The following SRBD1 variants were observed in gnomAD, a reference collection of about 807,000 sequenced individuals.
SRBD1 encodes the protein S1 RNA binding domain 1, also known as S1 RNA-binding domain-containing protein 1.
A neutral mutation model predicts 115.3 loss-of-function variants in SRBD1; 88 were observed. The observed-to-expected ratio is 0.76, with a 90% CI of 0.64 to 0.91. The LOEUF (loss-of-function observed/expected upper bound fraction) is 0.91. Ranked by LOEUF, SRBD1 falls within the 40% of genes least tolerant of loss-of-function variation. The pLI is 0.00. For synonymous variants in SRBD1, 509 were observed against 407.7 expected, an observed-to-expected ratio of 1.25 and a Z score of -2.99; for missense variants, 1,385 against 1,177.4, an observed-to-expected ratio of 1.18 and a Z score of -2.58.
intron 19 of SRBD1, among the ~76,000 whole-genome samples, chr2:45,399,862 G>A (rs1026912017): frequency 6.6e-6 from 1 of 152,164 alleles, no homozygotes; most frequent in Admixed American, 6.6e-5. Context: ...TTTACTGCCT[G>A]TAAAGCCATA....
chr2:45,513,245 A>G (rs994657551), intron 14 of SRBD1, among the ~76,000 whole-genome samples: 2 of 152,078 alleles, frequency 1.3e-5, no homozygotes, highest in African/African-American at 4.8e-5. Flanking sequence ...CATCATACGA[A>G]ACTGTGTTAG....
At chr2:45,470,569 T>C (rs1669618030) in intron 16 of SRBD1, among the ~76,000 whole-genome samples, 1 of 152,170 alleles carries the variant, frequency 6.6e-6, no homozygotes, top group African/African-American at 2.4e-5. Flanking sequence ...AGCATGAAAG[T>C]ACCGAAAACA....
At chr2:45,397,873 ACAGGTGTGAGCCAC>A (rs1399657837) in intron 19 of SRBD1, among the ~76,000 whole-genome samples, 1 of 152,220 alleles carries the variant, frequency 6.6e-6, no homozygotes, top group East Asian at 1.9e-4. Context: ...TGCTGGGATA[ACAGGTGTGAGCCAC>A]TGCACCTGGC....
At chr2:45,527,131 G>C (rs911026069) in intron 14 of SRBD1, among the ~76,000 whole-genome samples, 2 of 151,662 alleles carry the variant, frequency 1.3e-5, no homozygotes, top group Non-Finnish European at 3.0e-5. Context: ...TTCACAGAAG[G>C]TTCTTACATA....
chr2:45,528,570 G>A (rs547359691), intron 14 of SRBD1, among the ~76,000 whole-genome samples: 32 of 151,918 alleles, frequency 2.1e-4, no homozygotes, highest in African/African-American at 7.0e-4. Flanking sequence ...GTACCAGAGG[G>A]GTACTCTAGA....
At chr2:45,601,032 T>A (rs974895291) in intron 3 of SRBD1, among the ~76,000 whole-genome samples, 1 of 152,100 alleles carries the variant, frequency 6.6e-6, no homozygotes, top group East Asian at 1.9e-4. Context: ...GACATAAAGA[T>A]AAAATAACTC....
intron 19 of SRBD1, among the ~76,000 whole-genome samples, chr2:45,398,271 T>G (rs1203814126): frequency 2.0e-5 from 3 of 152,160 alleles, no homozygotes; most frequent in African/African-American, 7.2e-5. Context: ...GAATATAGTT[T>G]TAAAATGCAT....
intron 17 of SRBD1, 84 bp downstream of exon 17, chr2:45,419,704 G>T: frequency 1.7e-6 from 2 of 1,171,064 alleles, no homozygotes; most frequent in Non-Finnish European, 1.3e-6. Flanking sequence ...CTTTATACAC[G>T]TGTTCCCTTC....
At chr2:45,446,770 G>T (rs1348366908) in intron 16 of SRBD1, among the ~76,000 whole-genome samples, 1 of 151,172 alleles carries the variant, frequency 6.6e-6, no homozygotes, top group East Asian at 1.9e-4. Context: ...TAAAAACATA[G>T]GTCGCTCTCA....
chr2:45,585,801 T>C, intron 4 of SRBD1, 27 bp from the exon 5 acceptor site: 1 of 1,544,570 alleles, frequency 6.5e-7, no homozygotes, highest in South Asian at 1.2e-5. Flanking sequence ...CTTAGTGATT[T>C]AAAATGCTGA....
intron 14 of SRBD1, among the ~76,000 whole-genome samples, chr2:45,540,980 T>C (rs528976053): frequency 6.6e-6 from 1 of 152,334 alleles, no homozygotes; most frequent in South Asian, 2.1e-4. Flanking sequence ...GGTGCCTTTG[T>C]CCGAGTTTTG....
At chr2:45,430,328 A>G (rs749449441) in intron 16 of SRBD1, among the ~76,000 whole-genome samples, 12 of 152,262 alleles carry the variant, frequency 7.9e-5, no homozygotes, top group Middle Eastern at 3.4e-3. Flanking sequence ...AAGAGCCCAT[A>G]TGGCCAAAAT....
At chr2:45,445,915 C>T (rs1259066345) in intron 16 of SRBD1, among the ~76,000 whole-genome samples, 2 of 152,132 alleles carry the variant, frequency 1.3e-5, no homozygotes, top group Non-Finnish European at 2.9e-5. Flanking sequence ...GTACCTGCTA[C>T]TAGAGAAAGT....
chr2:45,420,828 TGA>T (rs1667973728), intron 16 of SRBD1, among the ~76,000 whole-genome samples: 1 of 152,256 alleles, frequency 6.6e-6, no homozygotes. Context: ...GAAGCTTTGA[TGA>T]TAGTAGCACT....
intron 13 of SRBD1, among the ~76,000 whole-genome samples, 181 bp downstream of exon 13, chr2:45,547,341 C>A (rs1672152010): frequency 6.6e-6 from 1 of 152,124 alleles, no homozygotes; most frequent in Admixed American, 6.5e-5. Flanking sequence ...AGGAAGGGAG[C>A]AGCGTTTCTC....
At chr2:45,489,594 T>G (rs1363011301) in intron 14 of SRBD1, among the ~76,000 whole-genome samples, 1 of 152,202 alleles carries the variant, frequency 6.6e-6, no homozygotes, top group African/African-American at 2.4e-5. Context: ...CTGCTTATCC[T>G]GTTTTTCATC....
In SRBD1 at chr2:45,599,866, T is replaced by C. The variant is rs373357166; in HGVS notation, c.262-31A>G. 2.2e-5 allele frequency: 34 copies of C among 1,564,734 alleles called. No homozygotes were observed. The highest frequency in any genetic ancestry group is 2.6e-5 in the Non-Finnish European group (30 of 1,159,600). On this transcript the variant is annotated intron_variant, in intron 3 of 20. Transcript: ENST00000263736. ...AAACCACAAAGAGAACATATGAGAA[T>C]TAGAAGATAAAAAGCAATTTCCTGG... is the stretch of plus-strand genomic sequence containing the variant.
At chr2:45,599,397 C>G in intron 4 of SRBD1, 52 bp downstream of exon 4, 1 of 1,570,382 alleles carries the variant, frequency 6.4e-7, no homozygotes, top group Non-Finnish European at 8.6e-7. Context: ...CTATGCTAGT[C>G]AAAAAGAAAG....
intron 16 of SRBD1, among the ~76,000 whole-genome samples, chr2:45,458,160 T>G (rs1015844911): frequency 1.3e-5 from 2 of 152,088 alleles, no homozygotes; most frequent in Non-Finnish European, 2.9e-5. Context: ...TAAAAAATTT[T>G]GGCACTGTAG....
Sources: gnomAD v4.1 joint callset for allele counts (sites outside exome capture counted in the v4.1 genomes callset) on GRCh38, gnomAD v4.1.1 for gene constraint, MANE v1.5 for transcripts, NCBI Gene and HGNC (gene_info 2026-07-23, HGNC 2026-07-21) for gene names.